The following ADAMTSL1 variants were observed in gnomAD, a reference collection of about 807,000 sequenced individuals.
The protein encoded by ADAMTSL1 is ADAMTS-like protein 1.
Under a neutral mutation model 201.8 loss-of-function variants are expected in ADAMTSL1, and 126 were observed. The ratio of observed to expected loss-of-function variants is 0.62; its 90% CI spans 0.54 to 0.72. The LOEUF is 0.72. Ranked by LOEUF, ADAMTSL1 falls within the 30% of genes least tolerant of loss-of-function variation. The pLI is 0.00. For synonymous variants in ADAMTSL1, 1,121 were observed against 903.4 expected (o/e 1.24, Z -4.32); for missense variants, 2,679 against 2,277.8 (o/e 1.18, Z -3.59).
At chr9:18,820,673 T>G (rs1204849730) in intron 21 of ADAMTSL1, among the ~76,000 whole-genome samples, 2 of 152,246 alleles carry the variant, frequency 1.3e-5, no homozygotes. Flanking sequence ...AAACAACTTT[T>G]TGCGTACATG....
intron 2 of ADAMTSL1, among the ~76,000 whole-genome samples, chr9:18,172,132 G>T (rs1019703889): frequency 6.7e-6 from 1 of 149,886 alleles, no homozygotes. Flanking sequence ...TTGTCAGGGG[G>T]TGGGGGGCTG....
chr9:18,791,550 T>A (rs10738520), intron 19 of ADAMTSL1, among the ~76,000 whole-genome samples: 116,315 of 152,006 alleles, frequency 0.77, 44,794 homozygotes, highest in East Asian at 0.98. Context: ...ACCAAAAACA[T>A]GAGATTCTAC....
chr9:18,236,790 C>T (rs1830867564), intron 2 of ADAMTSL1, among the ~76,000 whole-genome samples: 1 of 152,172 alleles, frequency 6.6e-6, no homozygotes, highest in South Asian at 2.1e-4. Flanking sequence ...AATGCAAATG[C>T]AGTGCAATGC....
chr9:18,714,759 TC>T (rs1449174045), intron 14 of ADAMTSL1, among the ~76,000 whole-genome samples: 1 of 152,018 alleles, frequency 6.6e-6, no homozygotes, highest in African/African-American at 2.4e-5. Context: ...GAGGCCAGTA[TC>T]ATACTGATAC....
chr9:17,922,169 A>T (rs990415787), intron 1 of ADAMTSL1, among the ~76,000 whole-genome samples: 1 of 151,534 alleles, frequency 6.6e-6, no homozygotes, highest in Non-Finnish European at 1.5e-5. Flanking sequence ...ATTCTATATC[A>T]GTTTTAATGT....
chr9:18,600,671 G>A lies in ADAMTSL1; in HGVS notation c.475-21572G>A, dbSNP rs546519963. Among the ~76,000 whole-genome samples the A allele has an allele frequency of 8.4e-4, 128 of 152,180 alleles. 1 individual carries two copies. Among genetic ancestry groups the A allele is most frequent in the African/African-American group, 2.9e-3 (121 of 41,544 alleles). On this transcript the variant is annotated intron_variant, in intron 4 of 28. Coordinates refer to ENST00000380548, the MANE Select transcript of ADAMTSL1 (RefSeq NM_001040272.6). ...CTCAGGATCAGCTCTGGGTGCTAAG[G>A]CATACAGCCATTCTCCTGAGTAAAA...
chr9:17,927,089 C>G (rs1016684218), intron 1 of ADAMTSL1, among the ~76,000 whole-genome samples: 2 of 152,176 alleles, frequency 1.3e-5, no homozygotes, highest in African/African-American at 4.8e-5. Flanking sequence ...CTGGCAACCA[C>G]CATACTATGT....
At chr9:18,569,772 A>G (rs2132333106) in intron 3 of ADAMTSL1, among the ~76,000 whole-genome samples, 1 of 152,342 alleles carries the variant, frequency 6.6e-6, no homozygotes, top group Middle Eastern at 3.4e-3. Flanking sequence ...ATATATTAAT[A>G]CATGTAAGCA....
chr9:18,342,174 T>C (rs1249614632), intron 2 of ADAMTSL1, among the ~76,000 whole-genome samples: 1 of 152,152 alleles, frequency 6.6e-6, no homozygotes, highest in Non-Finnish European at 1.5e-5. Flanking sequence ...GTGGGGCTAG[T>C]CCCTGATTCG....
chr9:18,584,166 A>G (rs1196019210), intron 4 of ADAMTSL1, among the ~76,000 whole-genome samples: 1 of 152,282 alleles, frequency 6.6e-6, no homozygotes, highest in Non-Finnish European at 1.5e-5. Flanking sequence ...TGTAACTCCC[A>G]CAATTCCCAC....
chr9:18,657,246 T>C (rs1181086781), intron 7 of ADAMTSL1, among the ~76,000 whole-genome samples: 1 of 152,234 alleles, frequency 6.6e-6, no homozygotes, highest in African/African-American at 2.4e-5. Context: ...TTTTCTGCAG[T>C]ATATAATTTT....
Position 18,721,588 on chromosome 9 carries a change from TGAG to T in ADAMTSL1, c.1933_1935del (p.Glu645del). ...TGAACAAACAGACTCGGGAGCCTGC[TGAG>T]GAGAACCTGTGCGTGACCAGCCGCC... On this transcript the variant is annotated inframe_deletion, in exon 15 of 29. Transcript: ENST00000380548. 6.2e-7 allele frequency: 1 copy of T among 1,613,978 alleles called. No individual in the cohort carries two copies. The highest frequency in any genetic ancestry group is 8.5e-7 in the Non-Finnish European group (1 of 1,179,870).
At chr9:18,525,504 T>C (rs1015861981) in intron 2 of ADAMTSL1, among the ~76,000 whole-genome samples, 2 of 152,216 alleles carry the variant, frequency 1.3e-5, no homozygotes, top group Non-Finnish European at 2.9e-5. Context: ...GTGTTTGCTC[T>C]TGCTTCTCTA....
Position 18,586,606 on chromosome 9 carries a change from A to T in ADAMTSL1, c.474+12340A>T, listed in dbSNP as rs146271140. Among the ~76,000 whole-genome samples the T allele has an allele frequency of 3.6e-3, 549 of 152,286 alleles. 4 individuals carry two copies. Among genetic ancestry groups the T allele is most frequent in the African/African-American group, 0.012 (501 of 41,564 alleles). On this transcript the variant is annotated intron_variant, in intron 4 of 28. Transcript: ENST00000380548. ...TAGAAAAAAAACTATTTTAAAATTC[A>T]TATGGAATTTTAAAAAGAGCCCCAT... is the stretch of plus-strand genomic sequence containing the variant.
chr9:18,739,897 ATCTGTGTGTGTG>A, intron 15 of ADAMTSL1, among the ~76,000 whole-genome samples: 1 of 98,376 alleles, frequency 1.0e-5, no homozygotes, highest in African/African-American at 3.9e-5. Context: ...CATGTCTACT[ATCTGTGTGTGTG>A]TGTGTGTGTG....
chr9:18,878,417 G>T (rs1385067706), intron 23 of ADAMTSL1, among the ~76,000 whole-genome samples: 2 of 152,204 alleles, frequency 1.3e-5, no homozygotes, highest in Admixed American at 6.5e-5. Flanking sequence ...ACCCCTGTAA[G>T]ACAAAGTCAG....
intron 2 of ADAMTSL1, among the ~76,000 whole-genome samples, chr9:18,364,696 G>T (rs1310820267): frequency 6.6e-6 from 1 of 152,124 alleles, no homozygotes; most frequent in Non-Finnish European, 1.5e-5. Flanking sequence ...AAGAAAAGAG[G>T]TTTAATTGGC....
intron 23 of ADAMTSL1, among the ~76,000 whole-genome samples, chr9:18,860,550 C>G (rs1022319827): frequency 8.6e-5 from 13 of 151,686 alleles, no homozygotes; most frequent in South Asian, 2.1e-4. Flanking sequence ...GGCCTTCTTA[C>G]CAACAATGAC....
intron 2 of ADAMTSL1, among the ~76,000 whole-genome samples, chr9:18,201,880 A>G (rs1451298091): frequency 1.3e-5 from 2 of 152,144 alleles, no homozygotes; most frequent in Non-Finnish European, 2.9e-5. Context: ...TTGATCATTC[A>G]TTGTGGATGA....
Sources: allele counts gnomAD v4.1 joint callset (sites outside exome capture counted in the v4.1 genomes callset), GRCh38; gene constraint gnomAD v4.1.1; transcripts MANE v1.5; gene names NCBI Gene and HGNC (gene_info 2026-07-23, HGNC 2026-07-21).